The following NAALADL2 variants were observed in gnomAD, a reference collection of about 807,000 sequenced individuals.
The protein encoded by NAALADL2 is inactive N-acetylated-alpha-linked acidic dipeptidase-like protein 2.
NAALADL2 carries 76 observed loss-of-function variants against 87.2 expected under a neutral mutation model. That is an observed-to-expected ratio of 0.87 (90% confidence interval 0.72 to 1.05). NAALADL2 has a LOEUF of 1.05. Ranked by LOEUF, NAALADL2 falls within the 50% of genes least tolerant of loss-of-function variation. NAALADL2 has a pLI of 0.00. For missense variants in NAALADL2, 1,089 were observed against 945.8 expected, an observed-to-expected ratio of 1.15 and a Z score of -1.99; for synonymous variants, 354 against 331.0, an observed-to-expected ratio of 1.07 and a Z score of -0.75.
chr3:175,311,570 C>A (rs983910933), intron 4 of NAALADL2, among the ~76,000 whole-genome samples: 1 of 151,900 alleles, frequency 6.6e-6, no homozygotes, highest in Non-Finnish European at 1.5e-5. Flanking sequence ...TCTTATGAAA[C>A]AGGAAATGCT....
chr3:175,022,803 A>G (rs1751727854), intron 1 of NAALADL2, among the ~76,000 whole-genome samples: 1 of 152,044 alleles, frequency 6.6e-6, no homozygotes, highest in Admixed American at 6.6e-5. Context: ...CTCAAAGCAC[A>G]TATTCCACCT....
At chr3:174,535,259 T>A (rs970032330) in intron 1 of NAALADL2, among the ~76,000 whole-genome samples, 1 of 152,078 alleles carries the variant, frequency 6.6e-6, no homozygotes, top group Non-Finnish European at 1.5e-5. Flanking sequence ...CAACAATGTA[T>A]GACAGTAGGG....
At chr3:175,655,687 TA>T (rs1731358634) in intron 11 of NAALADL2, 1 of 138,440 alleles carries the variant, frequency 7.2e-6, no homozygotes, top group East Asian at 1.9e-4. Context: ...CACTTGTACT[TA>T]AAAAAATAAA....
intron 1 of NAALADL2, among the ~76,000 whole-genome samples, chr3:174,950,530 A>T (rs1389904704): frequency 6.6e-6 from 1 of 152,162 alleles, no homozygotes; most frequent in Non-Finnish European, 1.5e-5. Flanking sequence ...TTTCTAAAAA[A>T]GCTAGGATCC....
chr3:175,735,141 C>T (rs1230060859), intron 11 of NAALADL2, among the ~76,000 whole-genome samples: 1 of 152,290 alleles, frequency 6.6e-6, no homozygotes, highest in South Asian at 2.1e-4. Flanking sequence ...CGACAAATCT[C>T]TAGGATGGGC....
At chr3:174,661,373 T>C (rs1316737946) in intron 2 of NAALADL2, among the ~76,000 whole-genome samples, 3 of 152,160 alleles carry the variant, frequency 2.0e-5, no homozygotes, top group African/African-American at 7.2e-5. Context: ...TTATTAATTA[T>C]TCCAGGCTCT....
chr3:175,483,732 T>G lies in NAALADL2; in HGVS notation c.1653+11974T>G, dbSNP rs191428446. On this transcript the variant is annotated intron_variant, in intron 9 of 13. Transcript: ENST00000454872. ...ATTAATTGAATGTGTGCTTGGGTGA[T>G]TAAAAGTCTCAGCATTGGGTACTGA... Among the ~76,000 whole-genome samples the G allele has an allele frequency of 6.3e-3, 960 of 152,164 alleles. 4 individuals are homozygous for G. The highest frequency in any genetic ancestry group is 0.017 in the Middle Eastern group (5 of 294).
Position 175,205,763 on chromosome 3 carries a change from AATCCC to A in NAALADL2, c.546-28164_546-28160del, listed in dbSNP as rs1379520659. 1.3e-5 allele frequency among the ~76,000 whole-genome samples: 2 copies of A among 152,004 alleles called. 1 individual carries two copies. The highest frequency in any genetic ancestry group is 4.8e-5 in the African/African-American group (2 of 41,388). ...AAAAATCAGTAAGAAAACAACAAAAAATCCCATCAAAAAGTGGGCCAAGGATGTGA... is the reference window on the plus strand; with the variant it reads ...AAAAATCAGTAAGAAAACAACAAAAAATCAAAAAGTGGGCCAAGGATGTGA... On this transcript the variant is annotated intron_variant, in intron 2 of 13. Coordinates refer to ENST00000454872, the MANE Select transcript of NAALADL2 (RefSeq NM_207015.3).
intron 1 of NAALADL2, among the ~76,000 whole-genome samples, chr3:174,971,990 G>A (rs866912116): frequency 2.0e-5 from 3 of 151,992 alleles, no homozygotes; most frequent in Admixed American, 6.6e-5. Flanking sequence ...GAGCCACCGC[G>A]TCCAGCCGTG....
intron 3 of NAALADL2, among the ~76,000 whole-genome samples, chr3:174,774,824 T>C (rs1289456342): frequency 2.6e-5 from 4 of 152,212 alleles, no homozygotes; most frequent in Admixed American, 2.6e-4. Context: ...TGAGAGATCA[T>C]GCTCTCAGAG....
chr3:175,757,857 G>A (rs1187583051), intron 13 of NAALADL2, among the ~76,000 whole-genome samples: 3 of 151,944 alleles, frequency 2.0e-5, no homozygotes, highest in African/African-American at 7.2e-5. Context: ...TTATTAAAAA[G>A]TCATAAAGTA....
intron 1 of NAALADL2, among the ~76,000 whole-genome samples, chr3:174,953,293 TGCC>T (rs1740647441): frequency 9.6e-6 from 1 of 104,052 alleles, no homozygotes; most frequent in Non-Finnish European, 1.8e-5. Context: ...CAATCTTTCT[TGCC>T]TCCCCTCCCC....
intron 3 of NAALADL2, among the ~76,000 whole-genome samples, chr3:174,740,182 T>A (rs2109007449): frequency 6.6e-6 from 1 of 152,018 alleles, no homozygotes; most frequent in South Asian, 2.1e-4. Flanking sequence ...TTTAAAAAAA[T>A]TGTCTTTTGA....
intron 2 of NAALADL2, among the ~76,000 whole-genome samples, chr3:175,192,830 T>G (rs1738408098): frequency 6.6e-6 from 1 of 152,008 alleles, no homozygotes. Flanking sequence ...TTTAATGTTA[T>G]CCAAGGCAAT....
chr3:174,947,209 G>A (rs749635185), intron 1 of NAALADL2, among the ~76,000 whole-genome samples: 5 of 152,118 alleles, frequency 3.3e-5, no homozygotes, highest in Non-Finnish European at 7.4e-5. Context: ...CAGGTTGTAG[G>A]TTAAAAGCAA....
chr3:175,123,439 C>T (rs1726450146), intron 2 of NAALADL2, among the ~76,000 whole-genome samples: 1 of 151,920 alleles, frequency 6.6e-6, no homozygotes, highest in Non-Finnish European at 1.5e-5. Flanking sequence ...TGCTTGGGTG[C>T]TATGCCCTAA....
intron 13 of NAALADL2, among the ~76,000 whole-genome samples, chr3:175,789,065 G>C (rs555444914): frequency 1.4e-5 from 2 of 143,356 alleles, no homozygotes; most frequent in Non-Finnish European, 3.2e-5. Context: ...TTTATTATAA[G>C]TATATTAGCC....
intron 1 of NAALADL2, among the ~76,000 whole-genome samples, chr3:174,872,218 G>A (rs987354069): frequency 5.3e-5 from 8 of 152,024 alleles, no homozygotes; most frequent in Admixed American, 1.3e-4. Flanking sequence ...GCTACTAACT[G>A]GTAAACTATT....
intron 10 of NAALADL2, among the ~76,000 whole-genome samples, chr3:175,592,307 C>CTTTTTT (rs758914649): frequency 1.9e-4 from 8 of 43,232 alleles, no homozygotes; most frequent in Non-Finnish European, 3.6e-4. Flanking sequence ...TTTTTCTTTT[C>CTTTTTT]TTTTTTTTTT....
Sources: gnomAD v4.1 joint callset for allele counts (sites outside exome capture counted in the v4.1 genomes callset) on GRCh38, gnomAD v4.1.1 for gene constraint, MANE v1.5 for transcripts, NCBI Gene and HGNC (gene_info 2026-07-23, HGNC 2026-07-21) for gene names.